The following SDK1 variants were observed in gnomAD, a reference collection of about 807,000 sequenced individuals.
SDK1 encodes protein sidekick-1.
Under a neutral mutation model 245.5 loss-of-function variants are expected in SDK1, and 157 were observed. The observed-to-expected ratio is 0.64, with a 90% confidence interval of 0.56 to 0.73. The LOEUF is 0.73. Among genes scored for constraint, SDK1 ranks in the 30% least tolerant of loss-of-function variants. The pLI, the probability that SDK1 is intolerant of heterozygous loss-of-function variation, is 0.00. For synonymous variants in SDK1, 1,647 were observed against 1,278.5 expected, an observed-to-expected ratio of 1.29 and a Z score of -6.15; for missense variants, 3,583 against 3,002.3, an observed-to-expected ratio of 1.19 and a Z score of -4.52.
rs552000327 is a variant in SDK1, at chr7:3,490,614, A to G, written c.299-128466A>G. 4.1e-4 allele frequency among the ~76,000 whole-genome samples: 63 copies of G among 152,336 alleles called. 3 individuals are homozygous for G. In the South Asian group the frequency reaches 0.012, roughly 30 times the overall value. On this transcript the variant is annotated intron_variant, in intron 1 of 44. Coordinates refer to ENST00000404826, the MANE Select transcript of SDK1 (RefSeq NM_152744.4). ...CATTTAGCTTTATATCAAGGATAGA[A>G]TTCAGTATGAACACATGAAGACCTG...
chr7:3,798,211 CTTTTTTTTTTTT>C (rs71029699), intron 4 of SDK1, among the ~76,000 whole-genome samples: 2 of 53,612 alleles, frequency 3.7e-5, no homozygotes, highest in East Asian at 6.4e-4. Context: ...CCTTGGCACT[CTTTTTTTTTTTT>C]TTTTTTTTTT....
chr7:3,380,023 T>C (rs950726572), intron 1 of SDK1, among the ~76,000 whole-genome samples: 1 of 152,182 alleles, frequency 6.6e-6, no homozygotes, highest in Non-Finnish European at 1.5e-5. Flanking sequence ...TGGGAAGCAA[T>C]ATACCAATAC....
intron 4 of SDK1, among the ~76,000 whole-genome samples, chr7:3,658,348 C>T (rs1783252447): frequency 6.6e-6 from 1 of 152,122 alleles, no homozygotes; most frequent in African/African-American, 2.4e-5. Context: ...TTCATTTATT[C>T]TTTCCTCCAG....
chr7:4,208,130 A>G lies in SDK1; in HGVS notation c.5246A>G (p.Glu1749Gly), dbSNP rs759256117. The change falls in exon 37 of 45, where the codon GAA (glutamate) becomes GGA (glycine). Residue 1749 changes from glutamate to glycine, a missense_variant. Physicochemically the swap from Glu to Gly is moderately conservative, Grantham distance 98 (BLOSUM62 -2). Transcript: ENST00000404826. ...IYYWEADSQN[E>G]TEKMKVLFLP... ...TACTGGGAGGCAGACAGCCAGAACG[A>G]AACGGAGAAAATGAAGGTCCTCTTC... 2 of 1,613,838 alleles carry G rather than the reference A, an allele frequency of 1.2e-6. No individual in the cohort carries two copies. The highest frequency in any genetic ancestry group is 1.7e-6 in the Non-Finnish European group (2 of 1,179,960).
intron 1 of SDK1, among the ~76,000 whole-genome samples, chr7:3,568,660 C>T (rs1026771436): frequency 3.3e-5 from 5 of 152,156 alleles, no homozygotes; most frequent in Admixed American, 6.5e-5. Flanking sequence ...AAGGGCAGAC[C>T]TGTGGCAGAC....
chr7:3,985,062 C>T (rs557651302), intron 13 of SDK1, among the ~76,000 whole-genome samples: 9 of 152,310 alleles, frequency 5.9e-5, no homozygotes, highest in Admixed American at 2.6e-4. Flanking sequence ...AAGGCTGAGC[C>T]GTCACCACTG....
At chr7:3,445,640 A>G (rs1282782667) in intron 1 of SDK1, among the ~76,000 whole-genome samples, 1 of 152,284 alleles carries the variant, frequency 6.6e-6, no homozygotes, top group East Asian at 1.9e-4. Flanking sequence ...TGACATTGGT[A>G]CAATGTATAT....
chr7:4,152,352 C>A (rs953688807), intron 30 of SDK1, among the ~76,000 whole-genome samples: 1 of 152,116 alleles, frequency 6.6e-6, no homozygotes, highest in African/African-American at 2.4e-5. Flanking sequence ...GGCACAGCCC[C>A]GAGGGTCAGG....
chr7:3,917,920 CAG>C (rs1779441656), intron 5 of SDK1, among the ~76,000 whole-genome samples: 1 of 152,172 alleles, frequency 6.6e-6, no homozygotes, highest in African/African-American at 2.4e-5. Flanking sequence ...ATTTGGGGCT[CAG>C]GGATTTTGAT....
intron 5 of SDK1, among the ~76,000 whole-genome samples, chr7:3,836,716 G>A (rs1780036153): frequency 6.6e-6 from 1 of 152,160 alleles, no homozygotes; most frequent in Non-Finnish European, 1.5e-5. Flanking sequence ...CTTTCAATAT[G>A]CAATACCTTA....
chr7:4,019,954 A>C, intron 17 of SDK1, among the ~76,000 whole-genome samples: 1 of 150,420 alleles, frequency 6.6e-6, no homozygotes, highest in East Asian at 2.0e-4. Context: ...GATGTCTCGG[A>C]CTCCCGTGTG....
At chr7:3,996,335 A>AGG in intron 14 of SDK1, among the ~76,000 whole-genome samples, 1 of 152,200 alleles carries the variant, frequency 6.6e-6, no homozygotes, top group South Asian at 2.1e-4. Flanking sequence ...AACTCTCTTC[A>AGG]ACTTTTCAGA....
At position 3,639,073 on chromosome 7, in the gene SDK1, A is replaced by T. The variant is rs779060749; in HGVS notation, c.528A>T (p.Gly176=). 1 of 1,603,114 alleles carries T rather than the reference A, an allele frequency of 6.2e-7. No individual in the cohort carries two copies. Among genetic ancestry groups the T allele is most frequent in the South Asian group, 1.1e-5 (1 of 89,838 alleles). Residue 176 remains glycine (G), a synonymous_variant, in exon 3 of 45, where the codon GGA becomes GGT. Coordinates refer to ENST00000404826, the MANE Select transcript of SDK1 (RefSeq NM_152744.4). The part of the protein sequence containing the change: ...FYRCVVRNRM[G]ALLQRKSEVQ... ...GCTGCGTGGTGCGAAACAGAATGGG[A>T]GCACTCCTGCAAAGAAAATCAGAAG...
intron 4 of SDK1, among the ~76,000 whole-genome samples, chr7:3,690,566 G>C (rs1375362221): frequency 1.3e-5 from 2 of 152,062 alleles, no homozygotes; most frequent in Non-Finnish European, 2.9e-5. Flanking sequence ...ATCTTGCGTC[G>C]AGTGGCCTCA....
intron 4 of SDK1, among the ~76,000 whole-genome samples, chr7:3,659,596 T>C (rs758923134): frequency 6.6e-5 from 10 of 152,054 alleles, no homozygotes; most frequent in Non-Finnish European, 2.9e-5. Context: ...AGGGACTAGA[T>C]TGTGCTGGGT....
chr7:3,520,922 A>G (rs1187390203), intron 1 of SDK1, among the ~76,000 whole-genome samples: 2 of 152,160 alleles, frequency 1.3e-5, no homozygotes, highest in East Asian at 1.9e-4. Context: ...ATCATTTCCC[A>G]GTTTTGTAGG....
At chr7:3,451,839 G>A (rs1222852242) in intron 1 of SDK1, among the ~76,000 whole-genome samples, 3 of 152,192 alleles carry the variant, frequency 2.0e-5, no homozygotes, top group Non-Finnish European at 4.4e-5. Context: ...TCAAACTAGT[G>A]TAGTAAGTGA....
chr7:3,444,108 T>A (rs1384701874), intron 1 of SDK1, among the ~76,000 whole-genome samples: 1 of 152,236 alleles, frequency 6.6e-6, no homozygotes, highest in African/African-American at 2.4e-5. Context: ...CGTTGCTGTT[T>A]CCCTTTTTAC....
At chr7:3,800,601 A>C (rs957780755) in intron 4 of SDK1, among the ~76,000 whole-genome samples, 4 of 151,924 alleles carry the variant, frequency 2.6e-5, no homozygotes, top group Non-Finnish European at 5.9e-5. Context: ...TGATCTCCTG[A>C]CCTCATGATC....
Sources: gnomAD v4.1 joint callset for allele counts (sites outside exome capture counted in the v4.1 genomes callset) on GRCh38, gnomAD v4.1.1 for gene constraint, MANE v1.5 for transcripts, NCBI Gene and HGNC (gene_info 2026-07-23, HGNC 2026-07-21) for gene names.